Variants in LINGO2 observed in about 807,000 individuals in gnomAD.
The protein encoded by LINGO2 is leucine-rich repeat and immunoglobulin-like domain-containing nogo receptor-interacting protein 2.
A neutral mutation model predicts 30.6 loss-of-function variants in LINGO2; 14 were observed. That is an observed-to-expected ratio of 0.46 (90% CI 0.30 to 0.72). The LOEUF (loss-of-function observed/expected upper bound fraction) is 0.72, where lower values mean the gene tolerates loss of function less well. Ranked by LOEUF, LINGO2 falls within the 30% of genes least tolerant of loss-of-function variation. LINGO2 has a pLI of 0.07. For synonymous variants in LINGO2, 317 were observed against 288.5 expected (o/e 1.10, Z -1.00); for missense variants, 729 against 751.7 (o/e 0.97, Z 0.35).
chr9:28,069,559 C>G (rs1825411973), intron 4 of LINGO2, among the ~76,000 whole-genome samples: 1 of 152,170 alleles, frequency 6.6e-6, no homozygotes, highest in Non-Finnish European at 1.5e-5. Context: ...GCATTCAACC[C>G]ATGGTGCAGG....
chr9:29,014,320 C>G, the LINGO2 span, among the ~76,000 whole-genome samples: 1 of 152,126 alleles, frequency 6.6e-6, no homozygotes, highest in Non-Finnish European at 1.5e-5. Flanking sequence ...TCAAAGTTAA[C>G]CATCATGGGA....
chr9:29,189,496 C>A, the LINGO2 span, among the ~76,000 whole-genome samples: 1 of 150,088 alleles, frequency 6.7e-6, no homozygotes, highest in East Asian at 2.0e-4. Context: ...CCAGACGGGG[C>A]GGTGGGGCAG....
At chr9:28,673,960 T>TA (rs544775236), upstream of LINGO2, among the ~76,000 whole-genome samples, 1,378 of 144,636 alleles carry the variant, frequency 9.5e-3, 30 homozygotes, top group African/African-American at 0.032. Context: ...AAAGAAAAAA[T>TA]AAAAAAAAAA....
the LINGO2 span, among the ~76,000 whole-genome samples, chr9:29,128,128 G>T: frequency 6.6e-6 from 1 of 152,036 alleles, no homozygotes; most frequent in Admixed American, 6.6e-5. Context: ...CTCCTAGTAG[G>T]CCATTGCCTC....
chr9:28,434,681 C>T (rs935537188), intron 2 of LINGO2, among the ~76,000 whole-genome samples: 2 of 152,050 alleles, frequency 1.3e-5, no homozygotes, highest in African/African-American at 4.8e-5. Context: ...AATTTTTTAT[C>T]ACATTTACTT....
chr9:28,870,516 C>T, the LINGO2 span, among the ~76,000 whole-genome samples: 5 of 151,996 alleles, frequency 3.3e-5, no homozygotes, highest in Non-Finnish European at 7.4e-5. Flanking sequence ...GACCAATGTT[C>T]CTACTGCTAG....
intron 3 of LINGO2, among the ~76,000 whole-genome samples, chr9:28,356,326 C>A (rs1371200773): frequency 6.6e-6 from 1 of 152,056 alleles, no homozygotes; most frequent in Non-Finnish European, 1.5e-5. Flanking sequence ...GACATGACCT[C>A]CTAGGTTTGT....
intron 1 of LINGO2, among the ~76,000 whole-genome samples, chr9:28,568,648 A>T (rs1427747269): frequency 6.6e-6 from 1 of 152,076 alleles, no homozygotes; most frequent in Non-Finnish European, 1.5e-5. Context: ...TCAGCAGATT[A>T]ATAACAGAAA....
the LINGO2 span, among the ~76,000 whole-genome samples, chr9:28,720,673 C>T: frequency 1.3e-5 from 2 of 151,926 alleles, no homozygotes; most frequent in African/African-American, 4.8e-5. Context: ...TCCACAGCAA[C>T]CTAACTCTTA....
intron 1 of LINGO2, among the ~76,000 whole-genome samples, chr9:28,502,778 A>G (rs909072698): frequency 2.0e-4 from 30 of 152,258 alleles, no homozygotes; most frequent in African/African-American, 7.2e-4. Flanking sequence ...TAAATATAGC[A>G]CTAAAAACAT....
chr9:28,338,325 C>A (rs117152986), intron 3 of LINGO2, among the ~76,000 whole-genome samples: 1 of 152,088 alleles, frequency 6.6e-6, no homozygotes, highest in Non-Finnish European at 1.5e-5. Context: ...TCCCTGTAAC[C>A]CCATAATATC....
chr9:28,646,424 T>C (rs1827841209), intron 1 of LINGO2, among the ~76,000 whole-genome samples: 1 of 152,048 alleles, frequency 6.6e-6, no homozygotes, highest in Non-Finnish European at 1.5e-5. Context: ...TCAAATAACA[T>C]GCTAGCTGAG....
At chr9:28,935,141 A>G in the LINGO2 span, among the ~76,000 whole-genome samples, 1 of 152,172 alleles carries the variant, frequency 6.6e-6, no homozygotes. Flanking sequence ...GTAACCTACA[A>G]ATTCCTGGGA....
chr9:29,003,537 G>C, the LINGO2 span, among the ~76,000 whole-genome samples: 3 of 152,010 alleles, frequency 2.0e-5, no homozygotes, highest in African/African-American at 7.2e-5. Context: ...GAGAAATACA[G>C]TGATAACTGT....
intron 3 of LINGO2, among the ~76,000 whole-genome samples, chr9:28,328,431 C>A (rs892196270): frequency 1.3e-5 from 2 of 151,870 alleles, no homozygotes; most frequent in African/African-American, 4.8e-5. Context: ...ATTTTCACAA[C>A]CAAACATATG....
chr9:28,713,830 A>C, the LINGO2 span, among the ~76,000 whole-genome samples: 13 of 152,068 alleles, frequency 8.5e-5, no homozygotes, highest in Non-Finnish European at 1.6e-4. Flanking sequence ...CTACTGTCTT[A>C]CTATGCTGTG....
At chr9:28,893,990 G>C in the LINGO2 span, among the ~76,000 whole-genome samples, 1 of 151,468 alleles carries the variant, frequency 6.6e-6, no homozygotes, top group Non-Finnish European at 1.5e-5. Context: ...CTATGAGTGA[G>C]AACATGCAGC....
At chr9:28,911,101 G>A in the LINGO2 span, among the ~76,000 whole-genome samples, 2 of 152,022 alleles carry the variant, frequency 1.3e-5, no homozygotes, top group Admixed American at 1.3e-4. Flanking sequence ...CATAGGAAGA[G>A]AGGGAATATA....
the LINGO2 span, among the ~76,000 whole-genome samples, chr9:29,143,589 A>C: frequency 3.3e-5 from 5 of 152,176 alleles, no homozygotes; most frequent in African/African-American, 1.2e-4. Context: ...AATGTTACTG[A>C]GAAAACTGAA....
Sources: gnomAD v4.1 joint callset for allele counts (sites outside exome capture counted in the v4.1 genomes callset) on GRCh38, gnomAD v4.1.1 for gene constraint, MANE v1.5 for transcripts, NCBI Gene and HGNC (gene_info 2026-07-23, HGNC 2026-07-21) for gene names.